Variants in PPARGC1A observed in about 807,000 individuals in gnomAD.
PPARGC1A encodes the protein PPARG coactivator 1 alpha.
In PPARGC1A, 25 loss-of-function variants were observed where a neutral mutation model predicts 88.7. That is an observed-to-expected ratio of 0.28 (90% confidence interval 0.21 to 0.39). The LOEUF (loss-of-function observed/expected upper bound fraction) is 0.39. PPARGC1A is among the 10% of genes least tolerant of loss of function. The pLI is 1.00. For missense variants in PPARGC1A, 880 were observed against 968.7 expected (o/e 0.91, Z 1.22); for synonymous variants, 363 against 355.6 (o/e 1.02, Z -0.24).
At chr4:23,994,382 G>A in the PPARGC1A span, among the ~76,000 whole-genome samples, 17 of 152,212 alleles carry the variant, frequency 1.1e-4, no homozygotes, top group Non-Finnish European at 2.4e-4. Flanking sequence ...TTTGTTTCCT[G>A]GGGTGAAAGC....
chr4:23,812,677 T>C, intron 10 of PPARGC1A, 70 bp downstream of exon 10: 1 of 1,596,016 alleles, frequency 6.3e-7, no homozygotes, highest in Non-Finnish European at 8.5e-7. Context: ...TTCTAATCTA[T>C]CACCAAAAAA....
At chr4:23,876,295 T>C (rs13128633) in intron 2 of PPARGC1A, among the ~76,000 whole-genome samples, 1 of 152,228 alleles carries the variant, frequency 6.6e-6, no homozygotes, top group Non-Finnish European at 1.5e-5. Context: ...CCTATTATAG[T>C]GCTGGAGCAT....
At chr4:23,996,332 A>G in the PPARGC1A span, among the ~76,000 whole-genome samples, 1 of 152,150 alleles carries the variant, frequency 6.6e-6, no homozygotes, top group Non-Finnish European at 1.5e-5. Flanking sequence ...GAAAATGAAG[A>G]TCTTTACACA....
the PPARGC1A span, among the ~76,000 whole-genome samples, chr4:23,920,789 C>T: frequency 6.6e-6 from 1 of 152,212 alleles, no homozygotes; most frequent in Non-Finnish European, 1.5e-5. Flanking sequence ...TCAGCGCTTG[C>T]CCTGCTACTG....
the PPARGC1A span, among the ~76,000 whole-genome samples, chr4:24,058,466 C>T: frequency 9.9e-5 from 15 of 152,216 alleles, no homozygotes; most frequent in Non-Finnish European, 2.1e-4. Context: ...TTACTTCTGC[C>T]GCCTACACAC....
chr4:24,313,814 T>C, the PPARGC1A span, among the ~76,000 whole-genome samples: 1 of 152,112 alleles, frequency 6.6e-6, no homozygotes, highest in East Asian at 1.9e-4. Context: ...AAAGAAACCA[T>C]AGGAGAAATT....
the PPARGC1A span, among the ~76,000 whole-genome samples, chr4:24,074,950 A>G: frequency 2.6e-5 from 4 of 152,152 alleles, no homozygotes; most frequent in Non-Finnish European, 5.9e-5. Context: ...TGTGCCCCCC[A>G]TAGTTTCCAG....
chr4:24,266,822 C>CA, the PPARGC1A span, among the ~76,000 whole-genome samples: 2 of 152,290 alleles, frequency 1.3e-5, no homozygotes, highest in East Asian at 3.9e-4. Context: ...CCAGCTAACT[C>CA]AGCTTTCCAC....
the PPARGC1A span, among the ~76,000 whole-genome samples, chr4:24,284,102 G>A: frequency 1.3e-5 from 2 of 148,382 alleles, no homozygotes; most frequent in Middle Eastern, 3.2e-3. Context: ...GGCCAACATG[G>A]TGAAACCCCA....
the PPARGC1A span, among the ~76,000 whole-genome samples, chr4:23,913,267 T>TATATATATAGAG: frequency 2.6e-5 from 2 of 77,528 alleles, no homozygotes; most frequent in African/African-American, 1.1e-4. Flanking sequence ...TATATATATA[T>TATATATATAGAG]AGAGAGAGAG....
chr4:24,392,025 CT>C, the PPARGC1A span, among the ~76,000 whole-genome samples: 33 of 152,292 alleles, frequency 2.2e-4, no homozygotes, highest in African/African-American at 7.5e-4. Flanking sequence ...TTTCAATTCA[CT>C]TTGCCAGAGC....
the PPARGC1A span, among the ~76,000 whole-genome samples, chr4:23,983,076 T>G: frequency 2.6e-5 from 4 of 152,110 alleles, no homozygotes; most frequent in Admixed American, 2.6e-4. Flanking sequence ...ACTGTCTGCT[T>G]CTTTACAGAA....
rs1327978342 is a variant in PPARGC1A at position 23,814,337 on chromosome 4, A to G, written c.1146T>C (p.Gly382=). ...KTKRPSLRLF[G]DHDYCQSINS... is the part of the protein sequence containing the mutation. ...TAATTGACTGGCAATAGTCATGGTCACCAAACAGCCGCAGACTGGGCCGCT... is the reference window on the plus strand; with the variant it reads ...TAATTGACTGGCAATAGTCATGGTCGCCAAACAGCCGCAGACTGGGCCGCT... The change falls in exon 8 of 13, where the codon GGT becomes GGC. Residue 382 remains glycine (G), a synonymous_variant. Transcript: ENST00000264867. The G allele has an allele frequency of 6.2e-7, 1 of 1,614,014 alleles. No homozygotes were observed. The highest frequency in any genetic ancestry group is 2.2e-5 in the East Asian group (1 of 44,852).
At chr4:23,909,223 C>G in the PPARGC1A span, among the ~76,000 whole-genome samples, 1 of 152,218 alleles carries the variant, frequency 6.6e-6, no homozygotes, top group South Asian at 2.1e-4. Flanking sequence ...AGACTCATTA[C>G]TAAATTATGT....
chr4:24,085,125 AC>A, the PPARGC1A span, among the ~76,000 whole-genome samples: 1 of 152,206 alleles, frequency 6.6e-6, no homozygotes, highest in Non-Finnish European at 1.5e-5. Context: ...ACATAAAGAA[AC>A]AAATCCTTCC....
At chr4:24,163,657 C>T in the PPARGC1A span, among the ~76,000 whole-genome samples, 23 of 152,278 alleles carry the variant, frequency 1.5e-4, no homozygotes, top group Non-Finnish European at 1.2e-4. Flanking sequence ...TACATTATGA[C>T]GCTATAGCAA....
At chr4:24,125,458 G>A in the PPARGC1A span, among the ~76,000 whole-genome samples, 1 of 152,076 alleles carries the variant, frequency 6.6e-6, no homozygotes, top group Non-Finnish European at 1.5e-5. Context: ...GCTGCTGTTA[G>A]TCTCAAAGAT....
chr4:24,234,087 G>C, the PPARGC1A span, among the ~76,000 whole-genome samples: 1 of 152,206 alleles, frequency 6.6e-6, no homozygotes, highest in Non-Finnish European at 1.5e-5. Context: ...TTAGAACTTT[G>C]ACTGCATAAT....
chr4:23,999,760 A>C, the PPARGC1A span, among the ~76,000 whole-genome samples: 1 of 152,142 alleles, frequency 6.6e-6, no homozygotes, highest in African/African-American at 2.4e-5. Context: ...ACCTCCTTGC[A>C]CGGGAAAGAA....
Sources: gnomAD v4.1 joint callset for allele counts (sites outside exome capture counted in the v4.1 genomes callset) on GRCh38, gnomAD v4.1.1 for gene constraint, MANE v1.5 for transcripts, NCBI Gene and HGNC (gene_info 2026-07-23, HGNC 2026-07-21) for gene names.